Variants in LYPD6 observed in about 807,000 individuals in gnomAD.
LYPD6 encodes the protein ly6/PLAUR domain-containing protein 6.
LYPD6 carries 15 observed loss-of-function variants against 22.7 expected under a neutral mutation model. That is an observed-to-expected ratio of 0.66 (90% CI 0.44 to 1.02). The LOEUF is 1.02. Ranked by LOEUF, LYPD6 falls within the 50% of genes least tolerant of loss-of-function variation. The probability of loss-of-function intolerance (pLI) is 0.00; values close to 1 mark genes in which losing one functional copy is unlikely to be tolerated. For missense variants in LYPD6, 189 were observed against 208.4 expected (o/e 0.91, Z 0.57); for synonymous variants, 72 against 77.5 (o/e 0.93, Z 0.37).
upstream of LYPD6, chr2:149,330,404 G>A (rs1328251880): frequency 3.3e-5 from 5 of 150,766 alleles, no homozygotes; most frequent in Non-Finnish European, 7.4e-5. Context: ...CCCGGAGTTG[G>A]GCCGCGCGCG....
chr2:149,451,089 A>G (rs1683795840), intron 3 of LYPD6, among the ~76,000 whole-genome samples: 2 of 152,188 alleles, frequency 1.3e-5, no homozygotes, highest in African/African-American at 2.4e-5. Flanking sequence ...TATAAACAAT[A>G]GAAGTTATTT....
chr2:149,359,271 C>A (rs562970479), intron 1 of LYPD6, among the ~76,000 whole-genome samples: 1 of 152,112 alleles, frequency 6.6e-6, no homozygotes, highest in Non-Finnish European at 1.5e-5. Flanking sequence ...ATGGGGGTGT[C>A]CAGGCTAATG....
At chr2:149,383,015 T>G (rs940922370) in intron 1 of LYPD6, among the ~76,000 whole-genome samples, 1 of 152,150 alleles carries the variant, frequency 6.6e-6, no homozygotes, top group African/African-American at 2.4e-5. Flanking sequence ...ATAAGTGCTT[T>G]TTAAATAAAA....
chr2:149,371,405 A>G (rs1322866171), intron 1 of LYPD6, among the ~76,000 whole-genome samples: 1 of 152,190 alleles, frequency 6.6e-6, no homozygotes, highest in Non-Finnish European at 1.5e-5. Context: ...TAGGTTTAGT[A>G]AAAAAGAGAA....
chr2:149,437,880 G>C (rs1434125234), intron 2 of LYPD6, 54 bp downstream of exon 2: 1 of 1,597,818 alleles, frequency 6.3e-7, no homozygotes, highest in East Asian at 2.2e-5. Context: ...ATAAGAAGTG[G>C]TTCAAAAACT....
chr2:149,444,653 G>C (rs763418217), intron 2 of LYPD6, among the ~76,000 whole-genome samples: 5 of 151,156 alleles, frequency 3.3e-5, no homozygotes, highest in Non-Finnish European at 5.9e-5. Flanking sequence ...TCAAGAAACG[G>C]CTTTTTTTTT....
chr2:149,453,547 T>C (rs1029396801), intron 3 of LYPD6, among the ~76,000 whole-genome samples: 2 of 152,232 alleles, frequency 1.3e-5, no homozygotes, highest in Non-Finnish European at 2.9e-5. Context: ...ACATATTCTT[T>C]TGGCTCCAGC....
intron 1 of LYPD6, among the ~76,000 whole-genome samples, chr2:149,402,656 A>T (rs80137136): frequency 6.6e-6 from 1 of 151,614 alleles, no homozygotes; most frequent in East Asian, 1.9e-4. Context: ...TTTTCCATAT[A>T]CTTGTTGGCT....
chr2:149,449,824 GATA>G (rs1303617548), intron 3 of LYPD6, among the ~76,000 whole-genome samples: 1 of 152,184 alleles, frequency 6.6e-6, no homozygotes, highest in African/African-American at 2.4e-5. Context: ...TGGGGGTAGA[GATA>G]ATGAGCACAG....
At chr2:149,342,714 G>C (rs1362472) in intron 1 of LYPD6, among the ~76,000 whole-genome samples, 3,706 of 152,270 alleles carry the variant, frequency 0.024, 138 homozygotes, top group African/African-American at 0.083. Context: ...CTAACGGCCA[G>C]TGTTCTTTCT....
chr2:149,382,603 T>C (rs1682091172), intron 1 of LYPD6, among the ~76,000 whole-genome samples: 1 of 152,174 alleles, frequency 6.6e-6, no homozygotes, highest in African/African-American at 2.4e-5. Flanking sequence ...TCAGTATTAC[T>C]CTCTATACCA....
downstream of LYPD6, among the ~76,000 whole-genome samples, chr2:149,474,811 A>G (rs1429933038): frequency 6.6e-6 from 1 of 152,134 alleles, no homozygotes; most frequent in Non-Finnish European, 1.5e-5. Flanking sequence ...TCTTGTCGCC[A>G]GGCTGCAGTA....
the LYPD6 span, among the ~76,000 whole-genome samples, chr2:149,484,238 A>G: frequency 1.3e-5 from 2 of 152,234 alleles, no homozygotes; most frequent in African/African-American, 2.4e-5. Flanking sequence ...TAGAATAGCA[A>G]GGGACCCAAT....
At chr2:149,435,543 C>T (rs1306393319) in intron 1 of LYPD6, among the ~76,000 whole-genome samples, 14 of 152,296 alleles carry the variant, frequency 9.2e-5, no homozygotes, top group African/African-American at 3.1e-4. Context: ...CCTCACCATG[C>T]TGGCAGAGAA....
At chr2:149,395,208 T>C (rs1285780009) in intron 1 of LYPD6, among the ~76,000 whole-genome samples, 2 of 152,168 alleles carry the variant, frequency 1.3e-5, no homozygotes, top group Non-Finnish European at 2.9e-5. Context: ...TAGAAGCTTC[T>C]GTTGATACTG....
downstream of LYPD6, among the ~76,000 whole-genome samples, chr2:149,478,399 T>TGTGTGTGTGTGTGTGCGC (rs1491190671): frequency 2.0e-5 from 3 of 149,980 alleles, no homozygotes; most frequent in African/African-American, 7.3e-5. Context: ...TGTGTGTGTG[T>TGTGTGTGTGTGTGTGCGC]GCGCGCACGC....
chr2:149,412,405 A>G (rs757100187), intron 1 of LYPD6, among the ~76,000 whole-genome samples: 7 of 150,920 alleles, frequency 4.6e-5, no homozygotes, highest in Non-Finnish European at 1.0e-4. Flanking sequence ...ACACTTATCT[A>G]TGTTTTTCAT....
downstream of LYPD6, among the ~76,000 whole-genome samples, chr2:149,475,337 A>G (rs774284614): frequency 2.0e-5 from 3 of 152,180 alleles, no homozygotes; most frequent in Non-Finnish European, 2.9e-5. Flanking sequence ...AAGATTGCAC[A>G]GGAACTTGGG....
At chr2:149,362,328 A>G (rs901916097) in intron 1 of LYPD6, among the ~76,000 whole-genome samples, 2 of 152,196 alleles carry the variant, frequency 1.3e-5, no homozygotes, top group African/African-American at 4.8e-5. Flanking sequence ...ATAAATTTTT[A>G]TGTGACATGG....
Sources: allele counts gnomAD v4.1 joint callset (sites outside exome capture counted in the v4.1 genomes callset), GRCh38; gene constraint gnomAD v4.1.1; transcripts MANE v1.5; gene names NCBI Gene and HGNC (gene_info 2026-07-23, HGNC 2026-07-21).